The following TSGA10IP variants were observed in gnomAD, a reference collection of about 807,000 sequenced individuals.
The protein encoded by TSGA10IP is testis-specific protein 10-interacting protein.
Under a neutral mutation model 63.2 loss-of-function variants are expected in TSGA10IP, and 64 were observed. The observed-to-expected ratio is 1.01, with a 90% CI of 0.83 to 1.25. TSGA10IP has a LOEUF of 1.25. TSGA10IP is among the 50% of genes most tolerant of loss of function. TSGA10IP has a pLI of 0.00. For missense variants in TSGA10IP, 681 were observed against 710.1 expected (o/e 0.96, Z 0.47); for synonymous variants, 316 against 298.3 (o/e 1.06, Z -0.61).
chr11:65,947,210 ACCCCTGGC>A lies in TSGA10IP; in HGVS notation c.387_394del (p.Gly131SerfsTer90). Reference sequence around the variant, plus strand: ...GGCTGTGCTTCAGCCAAGCTCCCCAACCCCTGGCCACCAAGCCCTGCCCATGCCCTCCT... The same window carrying A: ...GGCTGTGCTTCAGCCAAGCTCCCCAACACCAAGCCCTGCCCATGCCCTCCT... On this transcript the variant is annotated frameshift_variant, in exon 3 of 8. Coordinates refer to ENST00000532620, the Ensembl canonical transcript of TSGA10IP. LOFTEE classifies it high-confidence loss of function. 2 of 1,607,250 alleles carry A rather than the reference ACCCCTGGC, an allele frequency of 1.2e-6. No individual in the cohort carries two copies. The highest frequency in any genetic ancestry group is 1.7e-6 in the Non-Finnish European group (2 of 1,177,268).
intron 1 of TSGA10IP, among the ~76,000 whole-genome samples, chr11:65,946,177 G>T (rs891122600): frequency 6.6e-6 from 1 of 152,182 alleles, no homozygotes; most frequent in African/African-American, 2.4e-5. Context: ...AGGGCCCAGA[G>T]GTGGCCTAGC....
chr11:65,958,853 TA>T (rs1855068330), intron 5 of TSGA10IP, 29 bp from the exon 6 acceptor site: 4 of 1,592,256 alleles, frequency 2.5e-6, no homozygotes, highest in Non-Finnish European at 3.4e-6. Flanking sequence ...TGTCCATGGT[TA>T]GCTGCACAAA....
intron 4 of TSGA10IP, among the ~76,000 whole-genome samples, chr11:65,951,521 A>ATTATTATTG (rs1565307085): frequency 7.1e-6 from 1 of 140,580 alleles, no homozygotes; most frequent in Non-Finnish European, 1.5e-5. Context: ...TGCTTATTTT[A>ATTATTATTG]TTATTATTAT....
exon 1 of TSGA10IP, chr11:65,945,554 C>T: frequency 9.0e-7 from 1 of 1,114,926 alleles, no homozygotes; most frequent in Non-Finnish European, 1.3e-6. Context: ...ATTGGCCTCA[C>T]ATACCCCACT....
chr11:65,953,801 G>A (rs1854984418), intron 5 of TSGA10IP, 64 bp downstream of exon 5: 3 of 1,358,986 alleles, frequency 2.2e-6, no homozygotes, highest in Non-Finnish European at 2.9e-6. Context: ...TCAGGTCTCA[G>A]TCTACAGGAC....
chr11:65,947,029 G>A lies in TSGA10IP; in HGVS notation c.284+13G>A, dbSNP rs1854847880. ...AAGAGTCTGAAGAGTAAGCAGCAGT[G>A]GGATGGGTCAGGAGGCTGTTGGGGG... On this transcript the variant is annotated intron_variant, in intron 2 of 7. Transcript: ENST00000532620. 6.2e-7 allele frequency: 1 copy of A among 1,613,912 alleles called. No individual in the cohort carries two copies. The highest frequency in any genetic ancestry group is 8.5e-7 in the Non-Finnish European group (1 of 1,179,854).
Position 65,959,187 on chromosome 11 carries a change from C to T in TSGA10IP, c.1423-3C>T. 6.2e-7 allele frequency: 1 copy of T among 1,603,030 alleles called. No homozygotes were observed. The highest frequency in any genetic ancestry group is 1.3e-5 in the African/African-American group (1 of 74,836). ...AGCAGGAAGCCGTCTTCTCTCTCCT[C>T]AGGCCAATGCCCGGCTCACCGTCAC... On this transcript the variant is annotated splice_polypyrimidine_tract_variant and splice_region_variant and intron_variant, in intron 6 of 7. Coordinates refer to ENST00000532620, the Ensembl canonical transcript of TSGA10IP.
In TSGA10IP at chr11:65,946,678, G is replaced by GC. The variant is rs544270739; in HGVS notation, c.148-196dup. On this transcript the variant is annotated intron_variant, in intron 1 of 7. Coordinates refer to ENST00000532620, the Ensembl canonical transcript of TSGA10IP. Reference sequence around the variant, plus strand: ...TCGAACTCCTGGCCTCAGGTGATCCGCCCCCCTTGGCCTCCCAAAGTGCTG... The same window carrying GC: ...TCGAACTCCTGGCCTCAGGTGATCCGCCCCCCCTTGGCCTCCCAAAGTGCTG... Among the ~76,000 whole-genome samples, 13 of 152,214 alleles carry GC rather than the reference G, an allele frequency of 8.5e-5. No individual in the cohort carries two copies. In the East Asian group the frequency reaches 1.9e-3, roughly 23 times the overall value.
intron 2 of TSGA10IP, 33 bp from the exon 3 acceptor site, chr11:65,947,077 G>A (rs369048400): frequency 6.7e-5 from 107 of 1,608,952 alleles, no homozygotes; most frequent in South Asian, 6.3e-4. Context: ...GGGGGCTGGC[G>A]CCGACCCTGA....
chr11:65,953,009 T>A (rs890152162), intron 4 of TSGA10IP, among the ~76,000 whole-genome samples: 33 of 151,818 alleles, frequency 2.2e-4, no homozygotes, highest in African/African-American at 7.7e-4. Context: ...AAAGCACCCT[T>A]CATTTCTTTT....
At chr11:65,951,518 T>TATTATTA (rs1555055828) in intron 4 of TSGA10IP, among the ~76,000 whole-genome samples, 1 of 139,116 alleles carries the variant, frequency 7.2e-6, no homozygotes, top group Non-Finnish European at 1.5e-5. Context: ...ATTTGCTTAT[T>TATTATTA]TTATTATTAT....
At chr11:65,948,246 C>A (rs904628063) in intron 4 of TSGA10IP, 98 bp downstream of exon 4, 21 of 1,400,636 alleles carry the variant, frequency 1.5e-5, no homozygotes, top group Non-Finnish European at 2.0e-5. Context: ...TCATTCATTT[C>A]TTTATTTATC....
rs1361948040 is a variant in TSGA10IP at position 65,953,705 on chromosome 11, TG to T, written c.1294del (p.Ala432ArgfsTer9). On this transcript the variant is annotated frameshift_variant, in exon 5 of 8. Coordinates refer to ENST00000532620, the Ensembl canonical transcript of TSGA10IP. LOFTEE classifies it high-confidence loss of function. ...ACGCACCCAGAGGGAGCCGGGGCCC[TG>T]GGGCGGCCCAGCGCAAGCTGGAGGA... 1.3e-6 allele frequency: 2 copies of T among 1,571,218 alleles called. No individual in the cohort carries two copies. The highest frequency in any genetic ancestry group is 1.1e-5 in the South Asian group (1 of 87,450).
In TSGA10IP at chr11:65,946,870, C is replaced by T. The variant is rs537166235; in HGVS notation, c.148-10C>T. On this transcript the variant is annotated splice_polypyrimidine_tract_variant and intron_variant, in intron 1 of 7. Transcript: ENST00000532620. ...AAGCTGGCTGCTCCTCCCCTACTGT[C>T]TCTGCCCAGGGCTGCCTGGGGAGTG... The T allele has an allele frequency of 3.7e-6, 6 of 1,613,104 alleles. No homozygotes were observed. Among genetic ancestry groups the T allele is most frequent in the African/African-American group, 2.7e-5 (2 of 75,018 alleles).
At chr11:65,950,626 G>C (rs796559400) in intron 4 of TSGA10IP, among the ~76,000 whole-genome samples, 6 of 151,188 alleles carry the variant, frequency 4.0e-5, no homozygotes, top group African/African-American at 1.5e-4. Flanking sequence ...GCAGTGGCGC[G>C]ATCTCAGCTC....
At chr11:65,947,567 C>A (rs1854861675) in exon 3 of TSGA10IP, 1 of 1,613,780 alleles carries the variant, frequency 6.2e-7, no homozygotes, top group African/African-American at 1.3e-5. Context: ...AGAGGAGGAG[C>A]AATTTTCAGA....
At chr11:65,948,008 A>G (rs764241645) in exon 4 of TSGA10IP, 8 of 1,560,748 alleles carry the variant, frequency 5.1e-6, no homozygotes, top group East Asian at 4.8e-5. Context: ...CAGGCCCCCA[A>G]AAGCTGCCCT....
intron 5 of TSGA10IP, 97 bp from the exon 6 acceptor site, chr11:65,958,786 A>G: frequency 2.2e-6 from 2 of 928,340 alleles, no homozygotes; most frequent in Admixed American, 2.4e-5. Flanking sequence ...GGGTGAGGAC[A>G]TGAATATCAA....
chr11:65,959,350 C>A, intron 7 of TSGA10IP, 36 bp downstream of exon 7: 1 of 1,605,602 alleles, frequency 6.2e-7, no homozygotes, highest in South Asian at 1.1e-5. Flanking sequence ...CTGACTCTGC[C>A]ATGCTGCTGC....
Sources: gnomAD v4.1 joint callset for allele counts (sites outside exome capture counted in the v4.1 genomes callset) on GRCh38, gnomAD v4.1.1 for gene constraint, MANE v1.5 for transcripts, NCBI Gene and HGNC (gene_info 2026-07-23, HGNC 2026-07-21) for gene names.